Variants in PCDH9 observed in about 807,000 individuals in gnomAD.
The protein encoded by PCDH9 is protocadherin 9, also known as protocadherin-9.
A neutral mutation model predicts 70.6 loss-of-function variants in PCDH9; 24 were observed. The ratio of observed to expected loss-of-function variants is 0.34; its 90% CI spans 0.25 to 0.48. The LOEUF is 0.48. PCDH9 is among the 20% of genes least tolerant of loss of function. PCDH9 has a pLI of 0.99. For synonymous variants in PCDH9, 562 were observed against 558.5 expected, an observed-to-expected ratio of 1.01 and a Z score of -0.09; for missense variants, 1,281 against 1,503.6, an observed-to-expected ratio of 0.85 and a Z score of 2.45.
At chr13:66,514,990 A>G (rs1959664215) in intron 4 of PCDH9, among the ~76,000 whole-genome samples, 1 of 152,080 alleles carries the variant, frequency 6.6e-6, no homozygotes, top group Non-Finnish European at 1.5e-5. Flanking sequence ...TGTTTTCATC[A>G]TCATAAAACC....
intron 2 of PCDH9, among the ~76,000 whole-genome samples, chr13:66,918,863 C>T (rs1185667660): frequency 1.3e-5 from 2 of 151,006 alleles, no homozygotes; most frequent in Non-Finnish European, 3.0e-5. Flanking sequence ...TTTGGTTTTC[C>T]ACTTATTTCT....
At chr13:66,987,012 A>G (rs2083905364) in intron 2 of PCDH9, among the ~76,000 whole-genome samples, 1 of 151,992 alleles carries the variant, frequency 6.6e-6, no homozygotes, top group South Asian at 2.1e-4. Flanking sequence ...AAATAATTCA[A>G]ACTAAACTGT....
At position 66,315,626 on chromosome 13, in the gene PCDH9, C is replaced by T. The variant is rs577890542; in HGVS notation, c.3341-10598G>A. ...CCTCCTGAGTAGCTGGGATTAGAGG[C>T]GTGTGCCACCACGTCCAGCTAATTT... On this transcript the variant is annotated intron_variant, in intron 4 of 4. Transcript: ENST00000377865. Among the ~76,000 whole-genome samples the T allele has an allele frequency of 2.0e-3, 300 of 152,220 alleles. 1 individual carries two copies. The highest frequency in any genetic ancestry group is 6.5e-3 in the African/African-American group (272 of 41,550).
intron 4 of PCDH9, among the ~76,000 whole-genome samples, chr13:66,596,326 T>C (rs2077102265): frequency 6.6e-6 from 1 of 151,802 alleles, no homozygotes. Flanking sequence ...GAATACATAA[T>C]CAAATTGAAC....
chr13:66,770,667 T>C (rs115328281), intron 3 of PCDH9, among the ~76,000 whole-genome samples: 1,937 of 152,268 alleles, frequency 0.013, 49 homozygotes, highest in African/African-American at 0.043. Flanking sequence ...CAATGGACTG[T>C]TCTTGAAGTT....
At chr13:66,889,049 T>A (rs2082053897) in intron 3 of PCDH9, among the ~76,000 whole-genome samples, 1 of 152,210 alleles carries the variant, frequency 6.6e-6, no homozygotes, top group Non-Finnish European at 1.5e-5. Flanking sequence ...CTGATTGCCT[T>A]CCTCCTGCCT....
At chr13:67,053,423 G>A (rs530495200) in intron 2 of PCDH9, among the ~76,000 whole-genome samples, 4 of 152,192 alleles carry the variant, frequency 2.6e-5, no homozygotes, top group East Asian at 1.9e-4. Context: ...AGTATGGCAC[G>A]GTTGATGGGG....
chr13:66,828,805 A>T (rs2139400893), intron 3 of PCDH9, among the ~76,000 whole-genome samples: 1 of 136,338 alleles, frequency 7.3e-6, no homozygotes, highest in East Asian at 2.1e-4. Flanking sequence ...TGTAAGCCAT[A>T]CATAAAATAA....
At chr13:66,635,115 C>G (rs2077620589) in intron 3 of PCDH9, among the ~76,000 whole-genome samples, 1 of 152,098 alleles carries the variant, frequency 6.6e-6, no homozygotes, top group Non-Finnish European at 1.5e-5. Flanking sequence ...GTAGTCAAAT[C>G]CTGACTGGCT....
intron 2 of PCDH9, among the ~76,000 whole-genome samples, chr13:67,111,276 C>T (rs899108510): frequency 2.6e-5 from 4 of 152,104 alleles, no homozygotes; most frequent in Non-Finnish European, 5.9e-5. Context: ...GCAAAATGTA[C>T]GATTAATATA....
At chr13:66,899,724 G>A (rs1341873655) in intron 3 of PCDH9, among the ~76,000 whole-genome samples, 1 of 151,822 alleles carries the variant, frequency 6.6e-6, no homozygotes, top group Non-Finnish European at 1.5e-5. Flanking sequence ...CTTATTAAAG[G>A]CATTATGCAT....
chr13:66,733,690 T>TTTA (rs1555263118), intron 3 of PCDH9, among the ~76,000 whole-genome samples: 1 of 148,954 alleles, frequency 6.7e-6, no homozygotes, highest in Non-Finnish European at 1.5e-5. Context: ...TTTTTTTTTT[T>TTTA]ACGACATTAA....
intron 3 of PCDH9, among the ~76,000 whole-genome samples, chr13:66,747,777 A>G (rs1234963808): frequency 6.6e-6 from 1 of 152,244 alleles, no homozygotes; most frequent in East Asian, 1.9e-4. Flanking sequence ...ACTGAAGCAC[A>G]CATATGTATA....
At chr13:66,690,192 A>T (rs1393939996) in intron 3 of PCDH9, among the ~76,000 whole-genome samples, 1 of 152,234 alleles carries the variant, frequency 6.6e-6, no homozygotes, top group Admixed American at 6.5e-5. Flanking sequence ...GTATTTAAAC[A>T]ATACTTTTTT....
At chr13:66,763,654 TA>T (rs1311788152) in intron 3 of PCDH9, among the ~76,000 whole-genome samples, 2 of 152,106 alleles carry the variant, frequency 1.3e-5, no homozygotes, top group Non-Finnish European at 2.9e-5. Flanking sequence ...GAGATATTGC[TA>T]AAGCTGACTA....
chr13:66,652,141 A>T (rs1197643045), intron 3 of PCDH9, among the ~76,000 whole-genome samples: 1 of 152,110 alleles, frequency 6.6e-6, no homozygotes, highest in East Asian at 1.9e-4. Context: ...TATTACTGAA[A>T]ATCCTAGTTA....
intron 4 of PCDH9, among the ~76,000 whole-genome samples, chr13:66,534,860 A>G (rs988045117): frequency 6.6e-5 from 10 of 152,138 alleles, no homozygotes; most frequent in Admixed American, 2.0e-4. Flanking sequence ...TGAAATTCAT[A>G]ACAAATTCAA....
At chr13:66,661,643 A>G (rs779645625) in intron 3 of PCDH9, among the ~76,000 whole-genome samples, 1 of 152,228 alleles carries the variant, frequency 6.6e-6, no homozygotes, top group Non-Finnish European at 1.5e-5. Flanking sequence ...AAACTCACAC[A>G]ATTTTATCAG....
chr13:66,851,613 T>A (rs1452185880), intron 3 of PCDH9, among the ~76,000 whole-genome samples: 1 of 145,038 alleles, frequency 6.9e-6, no homozygotes, highest in East Asian at 2.0e-4. Context: ...ACACACTCAT[T>A]TTATTGACTC....
Sources: allele counts gnomAD v4.1 joint callset (sites outside exome capture counted in the v4.1 genomes callset), GRCh38; gene constraint gnomAD v4.1.1; transcripts MANE v1.5; gene names NCBI Gene and HGNC (gene_info 2026-07-23, HGNC 2026-07-21).